TSNARE1: variants seen among roughly 807,000 people sequenced by gnomAD.
TSNARE1 encodes t-SNARE domain-containing protein 1.
Under a neutral mutation model 62.0 loss-of-function variants are expected in TSNARE1, and 49 were observed. That is an observed-to-expected ratio of 0.79 (90% CI 0.63 to 1.00). The LOEUF (loss-of-function observed/expected upper bound fraction) is 1.00, where lower values mean the gene tolerates loss of function less well. TSNARE1 is among the 50% of genes least tolerant of loss of function. The probability of loss-of-function intolerance (pLI) is 0.00; values close to 1 mark genes in which losing one functional copy is unlikely to be tolerated. For synonymous variants in TSNARE1, 328 were observed against 294.4 expected (o/e 1.11, Z -1.17); for missense variants, 755 against 700.1 (o/e 1.08, Z -0.88).
rs757633281 is a variant in TSNARE1, at chr8:142,343,973, C to A, written c.738G>T (p.Pro246=). 13 of 1,525,170 alleles carry A rather than the reference C, an allele frequency of 8.5e-6. No individual in the cohort carries two copies. The African/African-American group carries it at 1.5e-4, about 18-fold the overall frequency. The allele number at this position is 1,525,170 out of a possible 1,614,324, so 94.5% of individuals were successfully genotyped here. A position where few individuals can be genotyped will look rare whatever the true frequency, so the allele number is the denominator to read the frequency against. The stretch of plus-strand genomic sequence containing the variant: ...GCTGAGCAAGGAACTCACCTCTGGG[C>A]GGCTCCAGACTGAAGCCCTCGGAGG... ...ALPSEGFSLE[P]PRATQVDPCN... is the part of the protein sequence containing the mutation. The change falls in exon 4 of 14, where the codon CCG becomes CCT. Residue 246 remains proline, a synonymous_variant. Transcript: ENST00000524325.
intron 13 of TSNARE1, among the ~76,000 whole-genome samples, chr8:142,213,002 T>C (rs1418201616): frequency 6.6e-5 from 2 of 30,210 alleles, no homozygotes; most frequent in Non-Finnish European, 6.1e-5. Context: ...TCCTTCCTCC[T>C]CCCCCTCCCT....
At chr8:142,274,130 G>C (rs763974852) in intron 12 of TSNARE1, 5 of 985,432 alleles carry the variant, frequency 5.1e-6, no homozygotes, top group Non-Finnish European at 6.0e-6. Context: ...TTGAGGAACA[G>C]GCTCTGGTCA....
At position 142,336,187 on chromosome 8, in the gene TSNARE1, G is replaced by A. The variant is rs2129726399; in HGVS notation, c.746-4356C>T. Among the ~76,000 whole-genome samples, 5 of 151,608 alleles carry A rather than the reference G, an allele frequency of 3.3e-5. 2 individuals carry two copies. Among genetic ancestry groups the A allele is most frequent in the Admixed American group, 3.3e-4 (5 of 15,224 alleles). ...TCTCAGCTACTTGAAATGCTGAGGT[G>A]GGAAGACTGCCTGAACCTGGGAGAT... On this transcript the variant is annotated intron_variant, in intron 4 of 13. Transcript: ENST00000524325.
intron 12 of TSNARE1, among the ~76,000 whole-genome samples, chr8:142,252,665 C>A (rs991866725): frequency 6.6e-6 from 1 of 152,246 alleles, no homozygotes; most frequent in African/African-American, 2.4e-5. Flanking sequence ...CACTTCCAAG[C>A]ATTTATCCTT....
chr8:142,221,957 TCACTCATC>T (rs1385868806), intron 13 of TSNARE1, among the ~76,000 whole-genome samples: 2 of 148,208 alleles, frequency 1.3e-5, no homozygotes, highest in African/African-American at 2.5e-5. Context: ...ACTCATCCAC[TCACTCATC>T]CACTCATCCA....
At chr8:142,391,837 G>C (rs1029025641) in intron 1 of TSNARE1, among the ~76,000 whole-genome samples, 2 of 152,224 alleles carry the variant, frequency 1.3e-5, no homozygotes, top group African/African-American at 4.8e-5. Flanking sequence ...GCATGTGTGG[G>C]ATCTGGGCTG....
At chr8:142,399,559 C>A (rs1001804538) in intron 1 of TSNARE1, among the ~76,000 whole-genome samples, 35 of 152,180 alleles carry the variant, frequency 2.3e-4, no homozygotes, top group African/African-American at 8.4e-4. Context: ...CAAACATAAG[C>A]ATCCACACTG....
chr8:142,309,569 T>G (rs1215944329), intron 9 of TSNARE1, among the ~76,000 whole-genome samples: 1 of 152,222 alleles, frequency 6.6e-6, no homozygotes, highest in Non-Finnish European at 1.5e-5. Flanking sequence ...ACACAGACTC[T>G]GAATGCAAAT....
intron 12 of TSNARE1, among the ~76,000 whole-genome samples, chr8:142,250,661 G>C (rs1296965814): frequency 6.6e-6 from 1 of 152,216 alleles, no homozygotes; most frequent in Non-Finnish European, 1.5e-5. Flanking sequence ...GGCAACAGGC[G>C]CTGGGGAGCA....
intron 2 of TSNARE1, among the ~76,000 whole-genome samples, chr8:142,349,520 A>G (rs886384463): frequency 6.6e-6 from 1 of 152,210 alleles, no homozygotes; most frequent in South Asian, 2.1e-4. Context: ...TATGAGCAGA[A>G]ATCAATCACA....
intron 1 of TSNARE1, among the ~76,000 whole-genome samples, chr8:142,396,349 C>T (rs1025326571): frequency 3.3e-5 from 5 of 152,144 alleles, no homozygotes; most frequent in South Asian, 4.1e-4. Flanking sequence ...CACACCACCC[C>T]GACCTCCTAG....
chr8:142,338,780 G>A (rs1464545355), intron 4 of TSNARE1, among the ~76,000 whole-genome samples: 1 of 152,242 alleles, frequency 6.6e-6, no homozygotes, highest in Non-Finnish European at 1.5e-5. Flanking sequence ...AGCGCTGGGT[G>A]CCTCACATGC....
intron 1 of TSNARE1, among the ~76,000 whole-genome samples, chr8:142,391,389 AGAT>A (rs1837519788): frequency 6.6e-6 from 1 of 151,778 alleles, no homozygotes; most frequent in Non-Finnish European, 1.5e-5. Flanking sequence ...ACTCTGTAAC[AGAT>A]GCTGTACACT....
In TSNARE1 at chr8:142,275,224, T is replaced by C. The variant is rs867507941; in HGVS notation, c.1364-361A>G. The stretch of plus-strand genomic sequence containing the variant: ...TGCCTGGGCCAGCCCCTCCACTCTG[T>C]GGCCACGGCCCCCTCTGAAGGGGCA... On this transcript the variant is annotated intron_variant, in intron 11 of 13. Transcript: ENST00000524325. The C allele has an allele frequency of 2.9e-5, 29 of 985,390 alleles. No individual in the cohort carries two copies. The Middle Eastern group carries it at 2.1e-3, about 71-fold the overall frequency. 61.0% of individuals were successfully genotyped at this position (985,390 alleles called of 1,614,324 possible).
intron 13 of TSNARE1, among the ~76,000 whole-genome samples, chr8:142,222,967 TTCACTCAC>T (rs1422090519): frequency 7.7e-6 from 1 of 129,048 alleles, no homozygotes; most frequent in Non-Finnish European, 1.7e-5. Flanking sequence ...CACTCACTCA[TTCACTCAC>T]TCACTCATTC....
At chr8:142,277,278 G>A in intron 11 of TSNARE1, 1 of 985,320 alleles carries the variant, frequency 1.0e-6, no homozygotes, top group Non-Finnish European at 1.2e-6. Context: ...GCCTCCAGGG[G>A]CCAGAGAGAG....
intron 1 of TSNARE1, among the ~76,000 whole-genome samples, chr8:142,391,115 C>G (rs1432101024): frequency 7.1e-6 from 1 of 140,776 alleles, no homozygotes; most frequent in Non-Finnish European, 1.5e-5. Flanking sequence ...CTAACAGACG[C>G]TGTACACTGC....
chr8:142,309,527 C>T (rs575362147), intron 9 of TSNARE1, among the ~76,000 whole-genome samples: 20 of 152,308 alleles, frequency 1.3e-4, no homozygotes, highest in African/African-American at 4.6e-4. Flanking sequence ...GTACACATTT[C>T]CTCACTTATT....
chr8:142,320,523 G>A (rs1829332362), intron 6 of TSNARE1, among the ~76,000 whole-genome samples: 3 of 146,910 alleles, frequency 2.0e-5, no homozygotes, highest in African/African-American at 7.6e-5. Flanking sequence ...ACCACCCCTA[G>A]GTTCTAGGCC....
Sources: allele counts gnomAD v4.1 joint callset (sites outside exome capture counted in the v4.1 genomes callset), GRCh38; gene constraint gnomAD v4.1.1; transcripts MANE v1.5; gene names NCBI Gene and HGNC (gene_info 2026-07-23, HGNC 2026-07-21).